AGO2: variants seen among roughly 807,000 people sequenced by gnomAD.
AGO2 encodes protein argonaute-2.
AGO2 carries 5 observed loss-of-function variants against 102.3 expected under a neutral mutation model. The observed-to-expected ratio is 0.05, with a 90% CI of 0.03 to 0.10. The LOEUF is 0.10. AGO2 is among the 10% of genes least tolerant of loss of function. The pLI is 1.00. For missense variants in AGO2, 541 were observed against 1,183.7 expected (o/e 0.46, Z 7.97); for synonymous variants, 449 against 473.1 (o/e 0.95, Z 0.66).
intron 1 of AGO2, among the ~76,000 whole-genome samples, chr8:140,607,880 T>A (rs1438921481): frequency 6.6e-6 from 1 of 152,160 alleles, no homozygotes; most frequent in Non-Finnish European, 1.5e-5. Context: ...AACATCATGA[T>A]GGACTTAACG....
chr8:140,533,205 C>T (rs2944775), intron 17 of AGO2, among the ~76,000 whole-genome samples: 256 of 150,710 alleles, frequency 1.7e-3, no homozygotes, highest in Middle Eastern at 0.014. Context: ...CTGGCTAACA[C>T]GGTGAAACCC....
intron 5 of AGO2, 123 bp downstream of exon 5, chr8:140,560,251 C>A: frequency 2.1e-6 from 3 of 1,401,984 alleles, no homozygotes; most frequent in South Asian, 1.4e-5. Flanking sequence ...TGTCACGCAG[C>A]GGCGCTGGCT....
At chr8:140,577,224 A>AAAAAG (rs2073480573) in intron 2 of AGO2, among the ~76,000 whole-genome samples, 2 of 151,414 alleles carry the variant, frequency 1.3e-5, no homozygotes, top group African/African-American at 2.4e-5. Flanking sequence ...AAAAAAAAAA[A>AAAAAG]AAAAGAAACA....
chr8:140,598,530 C>T (rs539771501), intron 1 of AGO2, among the ~76,000 whole-genome samples: 2 of 152,310 alleles, frequency 1.3e-5, no homozygotes, highest in East Asian at 3.9e-4. Context: ...TACAAGCCCA[C>T]GGTGCCGTAG....
intron 14 of AGO2, 41 bp from the exon 15 acceptor site, chr8:140,541,399 A>G (rs2072795869): frequency 6.6e-7 from 1 of 1,521,368 alleles, no homozygotes; most frequent in Admixed American, 2.1e-5. Flanking sequence ...GGTTCCCAAA[A>G]CTTTCCTTTC....
At chr8:140,606,356 T>A (rs1342215960) in intron 1 of AGO2, among the ~76,000 whole-genome samples, 6 of 152,226 alleles carry the variant, frequency 3.9e-5, no homozygotes, top group Non-Finnish European at 7.3e-5. Flanking sequence ...CTGTTGGCAG[T>A]TCTTGGAAAC....
intron 11 of AGO2, among the ~76,000 whole-genome samples, chr8:140,549,600 C>T (rs1340815533): frequency 2.6e-5 from 4 of 152,256 alleles, no homozygotes; most frequent in Non-Finnish European, 2.9e-5. Flanking sequence ...CACGCTGCCT[C>T]GCGGCTGTGG....
At position 140,609,755 on chromosome 8, in the gene AGO2, AAAC is replaced by A. The variant is rs536669780; in HGVS notation, c.23-24447_23-24445del. Among the ~76,000 whole-genome samples the A allele has an allele frequency of 8.2e-4, 125 of 152,328 alleles. 1 individual carries two copies. The highest frequency in any genetic ancestry group is 2.9e-3 in the African/African-American group (119 of 41,566). Reference sequence around the variant, plus strand: ...CAGGTGCTCAAGACATCAACTGTACAAACAACTGAATGACTGCCCGGAAAAAGA... The same window carrying A: ...CAGGTGCTCAAGACATCAACTGTACAAACTGAATGACTGCCCGGAAAAAGA... On this transcript the variant is annotated intron_variant, in intron 1 of 18. Transcript: ENST00000220592.
chr8:140,573,297 G>A (rs1292819268), intron 2 of AGO2, among the ~76,000 whole-genome samples: 1 of 151,588 alleles, frequency 6.6e-6, no homozygotes, highest in Non-Finnish European at 1.5e-5. Flanking sequence ...AGCCTCCCAA[G>A]TAGCTAGGAT....
chr8:140,634,247 C>G (rs1274357953), intron 1 of AGO2, among the ~76,000 whole-genome samples: 1 of 152,288 alleles, frequency 6.6e-6, no homozygotes, highest in Non-Finnish European at 1.5e-5. Context: ...TCGCAAGGCA[C>G]AGAGCCAACA....
At chr8:140,533,389 C>CAAAAAAAAAAAAAAAA (rs371478800) in intron 17 of AGO2, among the ~76,000 whole-genome samples, 1 of 96,240 alleles carries the variant, frequency 1.0e-5, no homozygotes, top group Non-Finnish European at 2.2e-5. Context: ...ACTCCGTCTC[C>CAAAAAAAAAAAAAAAA]AAAAAAAAAA....
intron 1 of AGO2, among the ~76,000 whole-genome samples, chr8:140,595,035 G>A (rs1373150664): frequency 6.6e-6 from 1 of 152,160 alleles, no homozygotes; most frequent in Admixed American, 6.5e-5. Flanking sequence ...CCATCCATGT[G>A]GGGAGATTTC....
chr8:140,555,061 G>A (rs991971012), intron 10 of AGO2, among the ~76,000 whole-genome samples: 3 of 152,196 alleles, frequency 2.0e-5, no homozygotes, highest in Non-Finnish European at 2.9e-5. Context: ...AGGTCTTGAG[G>A]ATGAGAATAA....
At position 140,521,068 on chromosome 8, in the gene AGO2, TAAAG is replaced by T. The variant is rs1219805592; in HGVS notation, c.*10972_*10975del. On this transcript the variant is annotated 3_prime_UTR_variant, in exon 19 of 19. Transcript: ENST00000220592. The stretch of plus-strand genomic sequence containing the variant: ...AAAACAAAATGCTACATGTAAAAGC[TAAAG>T]AAAGAAAATGCAGCATATTCAGGTT... 6.6e-6 allele frequency: 1 copy of T among 152,188 alleles called. No individual in the cohort carries two copies. 9.4% of individuals were successfully genotyped at this position (152,188 alleles called of 1,614,324 possible).
At chr8:140,566,903 C>T (rs779163851) in intron 3 of AGO2, among the ~76,000 whole-genome samples, 6 of 152,188 alleles carry the variant, frequency 3.9e-5, no homozygotes, top group South Asian at 2.1e-4. Context: ...GTCCAGGTCA[C>T]GGCGTGCAAG....
intron 2 of AGO2, among the ~76,000 whole-genome samples, chr8:140,577,625 C>A (rs577740799): frequency 6.6e-6 from 1 of 152,164 alleles, no homozygotes; most frequent in Non-Finnish European, 1.5e-5. Context: ...GAGGCCATGG[C>A]GCTGGGGCAG....
chr8:140,585,380 G>C, intron 1 of AGO2, 69 bp from the exon 2 acceptor site: 6 of 1,515,720 alleles, frequency 4.0e-6, no homozygotes, highest in East Asian at 2.4e-5. Context: ...CCATCCCGCG[G>C]CCCCAAGCCA....
In AGO2 at chr8:140,547,939, G is replaced by A. The variant is rs115650374; in HGVS notation, c.1589-312C>T. Among the ~76,000 whole-genome samples the A allele has an allele frequency of 8.9e-3, 1,349 of 152,286 alleles. 16 individuals are homozygous for A. Among genetic ancestry groups the A allele is most frequent in the African/African-American group, 0.027 (1,105 of 41,562 alleles). ...CATCCCTCCAATTTATCAACAAAAC[G>A]ATTTAAATGCCTCACCTAGGGCCCC... is the stretch of plus-strand genomic sequence containing the variant. On this transcript the variant is annotated intron_variant, in intron 12 of 18. Transcript: ENST00000220592.
intron 3 of AGO2, among the ~76,000 whole-genome samples, chr8:140,563,612 G>A (rs1248777218): frequency 6.6e-6 from 1 of 152,194 alleles, no homozygotes; most frequent in East Asian, 1.9e-4. Context: ...AGCCATGAAA[G>A]GGCAGAGACG....
Sources: allele counts gnomAD v4.1 joint callset (sites outside exome capture counted in the v4.1 genomes callset), GRCh38; gene constraint gnomAD v4.1.1; transcripts MANE v1.5; gene names NCBI Gene and HGNC (gene_info 2026-07-23, HGNC 2026-07-21).